The following GSTO2 variants were observed in gnomAD, a reference collection of about 807,000 sequenced individuals.
GSTO2 encodes glutathione S-transferase omega 2.
A neutral mutation model predicts 28.4 loss-of-function variants in GSTO2; 23 were observed. The observed-to-expected ratio is 0.81, with a 90% CI of 0.58 to 1.15. GSTO2 has a LOEUF of 1.15. Ranked by LOEUF, GSTO2 falls within the 50% of genes most tolerant of loss-of-function variation. GSTO2 has a pLI of 0.00. For synonymous variants in GSTO2, 109 were observed against 111.0 expected (o/e 0.98, Z 0.11); for missense variants, 298 against 297.8 (o/e 1.00, Z 0.00).
intron 5 of GSTO2, among the ~76,000 whole-genome samples, chr10:104,292,887 A>T (rs1301075880): frequency 6.6e-6 from 1 of 152,210 alleles, no homozygotes; most frequent in African/African-American, 2.4e-5. Context: ...TCCATTTCTG[A>T]TGATAAAACA....
intron 5 of GSTO2, 39 bp downstream of exon 5, chr10:104,279,510 A>G: frequency 7.0e-7 from 1 of 1,438,394 alleles, no homozygotes. Context: ...GCTACAGTGG[A>G]GGAAGCTAGG....
chr10:104,280,699 C>G (rs1459455814), intron 5 of GSTO2, among the ~76,000 whole-genome samples: 1 of 152,324 alleles, frequency 6.6e-6, no homozygotes, highest in African/African-American at 2.4e-5. Context: ...CTTTTACTTC[C>G]TTTATTTTTG....
At chr10:104,270,308 C>T (rs369300653) in intron 1 of GSTO2, among the ~76,000 whole-genome samples, 4 of 152,352 alleles carry the variant, frequency 2.6e-5, no homozygotes, top group South Asian at 2.1e-4. Context: ...CCACCGCGCC[C>T]GGCCTGTATC....
rs1413422331 is a variant in GSTO2, at chr10:104,299,489, T to C, written c.*205T>C. On this transcript the variant is annotated 3_prime_UTR_variant, in exon 7 of 7. Coordinates refer to ENST00000338595, the MANE Select transcript of GSTO2 (RefSeq NM_183239.2). ...GCTACTGCTGCTTTTTTTTCCTTTT[T>C]TTTTTTGAGGCAAGATCTTGCTTCG... 7.1e-6 allele frequency: 4 copies of C among 566,498 alleles called. No homozygotes were observed. Among genetic ancestry groups the C allele is most frequent in the African/African-American group, 1.9e-5 (1 of 52,138 alleles). 35.1% of individuals were successfully genotyped at this position (566,498 alleles called of 1,614,324 possible). A position where few individuals can be genotyped will look rare whatever the true frequency, so the allele number is the denominator to read the frequency against.
chr10:104,278,171 C>A, intron 4 of GSTO2, 55 bp downstream of exon 4: 1 of 1,378,130 alleles, frequency 7.3e-7, no homozygotes, highest in Non-Finnish European at 1.0e-6. Context: ...ATGTCTTTCC[C>A]AAACCTCAAC....
chr10:104,270,809 A>G (rs563450504), intron 1 of GSTO2, among the ~76,000 whole-genome samples: 91 of 152,354 alleles, frequency 6.0e-4, no homozygotes, highest in African/African-American at 1.9e-3. Context: ...AAATTTTGAA[A>G]AGTTGCCGAA....
Position 104,279,449 on chromosome 10 carries a change from A to G in GSTO2, c.446A>G (p.Gln149Arg). Residue 149 changes from glutamine to arginine, a missense_variant, in exon 5 of 7, where the codon CAG (glutamine) becomes CGG (arginine). Transcript: ENST00000338595. ...ECTNLKAALR[Q>R]EFSNLEEILE... ...ACTAATCTGAAGGCAGCCCTGCGTCAGGAATTCAGCAACCTGGAAGAGGTA... is the reference window on the plus strand; with the variant it reads ...ACTAATCTGAAGGCAGCCCTGCGTCGGGAATTCAGCAACCTGGAAGAGGTA... 3 of 1,613,962 alleles carry G rather than the reference A, an allele frequency of 1.9e-6. No individual in the cohort carries two copies. The highest frequency in any genetic ancestry group is 1.1e-5 in the South Asian group (1 of 91,080).
Position 104,303,600 on chromosome 10 carries a change from T to C in GSTO2, c.*4316T>C, listed in dbSNP as rs2013322825. The C allele has an allele frequency of 6.6e-6, 1 of 152,168 alleles. No homozygotes were observed. The highest frequency in any genetic ancestry group is 6.5e-5 in the Admixed American group (1 of 15,272). The allele number at this position is 152,168 out of a possible 1,614,324, so 9.4% of individuals were successfully genotyped here. On this transcript the variant is annotated 3_prime_UTR_variant, in exon 7 of 7. Transcript: ENST00000338595. ...AAGCAGAGCGTAAAAGTTTGGAGAA[T>C]TTGCAGCCAGCTATGTGGTAGAAAA...
intron 1 of GSTO2, among the ~76,000 whole-genome samples, chr10:104,270,756 CTCCAG>C (rs11279710): frequency 0.074 from 11,229 of 152,214 alleles, 1,377 homozygotes; most frequent in African/African-American, 0.26. Context: ...GAGGAATGTA[CTCCAG>C]TCCAGTTTCT....
chr10:104,275,373 C>T (rs759812200), intron 3 of GSTO2, 39 bp downstream of exon 3: 3 of 1,589,832 alleles, frequency 1.9e-6, no homozygotes, highest in Admixed American at 1.7e-5. Context: ...GCAAACCCAG[C>T]GCCTCACAGG....
intron 3 of GSTO2, 67 bp downstream of exon 3, chr10:104,275,401 C>G: frequency 6.9e-7 from 1 of 1,447,112 alleles, no homozygotes; most frequent in Non-Finnish European, 9.6e-7. Flanking sequence ...GAATGTTTAA[C>G]ATCTGGGGCG....
rs779553594 is a variant in GSTO2 at position 104,299,335 on chromosome 10, T to C, written c.*51T>C. ...CCAGAATTCCCCAGCTTGTTGGGAGTCTACGTCACGGCTTGTCTTGGGAAC... is the reference window on the plus strand; with the variant it reads ...CCAGAATTCCCCAGCTTGTTGGGAGCCTACGTCACGGCTTGTCTTGGGAAC... On this transcript the variant is annotated 3_prime_UTR_variant, in exon 7 of 7. Transcript: ENST00000338595. The C allele has an allele frequency of 6.3e-7, 1 of 1,597,164 alleles. No homozygotes were observed. Among genetic ancestry groups the C allele is most frequent in the East Asian group, 2.2e-5 (1 of 44,672 alleles).
At chr10:104,273,985 T>G (rs1427538906) in intron 1 of GSTO2, among the ~76,000 whole-genome samples, 1 of 152,152 alleles carries the variant, frequency 6.6e-6, no homozygotes, top group African/African-American at 2.4e-5. Flanking sequence ...TCTGGAAAAT[T>G]TAAGGAATTA....
intron 3 of GSTO2, among the ~76,000 whole-genome samples, chr10:104,275,781 A>T (rs958712341): frequency 2.0e-5 from 3 of 151,854 alleles, no homozygotes; most frequent in African/African-American, 7.3e-5. Context: ...CCCTTCACCC[A>T]TGTGCGTTCT....
chr10:104,269,431 C>G (rs1330714528), intron 1 of GSTO2, among the ~76,000 whole-genome samples, 162 bp downstream of exon 1: 3 of 152,232 alleles, frequency 2.0e-5, no homozygotes, highest in Admixed American at 2.0e-4. Flanking sequence ...GCCACTGTTG[C>G]ATCAAAGAAT....
rs376641881 is a variant in GSTO2, at chr10:104,275,338, A to C, written c.143+4A>C. ...TCCTCAAGGCCAAAGACATCAGGTG[A>C]GAAGCGGGAACCCAGAGCCCCCGAG... On this transcript the variant is annotated splice_donor_region_variant and intron_variant, in intron 3 of 6. Transcript: ENST00000338595. The C allele has an allele frequency of 2.5e-6, 4 of 1,613,098 alleles. No homozygotes were observed. In the African/African-American group the frequency reaches 5.3e-5, roughly 22 times the overall value.
At chr10:104,277,068 A>C (rs2011675299) in intron 3 of GSTO2, among the ~76,000 whole-genome samples, 1 of 152,232 alleles carries the variant, frequency 6.6e-6, no homozygotes, top group African/African-American at 2.4e-5. Context: ...ATAATTAAGG[A>C]CACTGAGCAC....
At position 104,278,119 on chromosome 10, in the gene GSTO2, A is replaced by G; in HGVS notation, c.366+3A>G. 2 of 1,610,716 alleles carry G rather than the reference A, an allele frequency of 1.2e-6. No individual in the cohort carries two copies. The highest frequency in any genetic ancestry group is 1.7e-6 in the Non-Finnish European group (2 of 1,177,442). On this transcript the variant is annotated splice_donor_region_variant and intron_variant, in intron 4 of 6. Coordinates refer to ENST00000338595, the MANE Select transcript of GSTO2 (RefSeq NM_183239.2). ...TGTTATTGGAGCTATTTTGTAAGGT[A>G]TATTCAATTTAAAAAGTCACTCACA...
At chr10:104,276,023 T>C (rs1209667203) in intron 3 of GSTO2, among the ~76,000 whole-genome samples, 3 of 152,206 alleles carry the variant, frequency 2.0e-5, no homozygotes, top group African/African-American at 7.2e-5. Context: ...AGGTCTGGAT[T>C]TGGAGGGCAG....
Sources: gnomAD v4.1 joint callset for allele counts (sites outside exome capture counted in the v4.1 genomes callset) on GRCh38, gnomAD v4.1.1 for gene constraint, MANE v1.5 for transcripts, NCBI Gene and HGNC (gene_info 2026-07-23, HGNC 2026-07-21) for gene names.